Variants in NLGN1 observed in about 807,000 individuals in gnomAD.
NLGN1 encodes neuroligin 1, also known as neuroligin-1.
NLGN1 carries 12 observed loss-of-function variants against 65.5 expected under a neutral mutation model. That is an observed-to-expected ratio of 0.18 (90% CI 0.12 to 0.30). The LOEUF is 0.30. Ranked by LOEUF, NLGN1 falls within the 10% of genes least tolerant of loss-of-function variation. The probability of loss-of-function intolerance (pLI) is 1.00; values close to 1 mark genes in which losing one functional copy is unlikely to be tolerated. For synonymous variants in NLGN1, 350 were observed against 359.5 expected (o/e 0.97, Z 0.30); for missense variants, 750 against 1,007.1 (o/e 0.74, Z 3.46).
the NLGN1 span, among the ~76,000 whole-genome samples, chr3:174,292,679 T>G: frequency 6.6e-6 from 1 of 151,476 alleles, no homozygotes; most frequent in Non-Finnish European, 1.5e-5. Flanking sequence ...TTTGTAGAAG[T>G]TATTTCAGCT....
chr3:173,940,245 C>T (rs1275555744), intron 4 of NLGN1, among the ~76,000 whole-genome samples: 2 of 151,842 alleles, frequency 1.3e-5, no homozygotes, highest in Non-Finnish European at 2.9e-5. Flanking sequence ...TGCACCACCA[C>T]GCCCAGCTAA....
At chr3:174,173,894 G>A (rs113290202) in intron 4 of NLGN1, among the ~76,000 whole-genome samples, 2,295 of 152,036 alleles carry the variant, frequency 0.015, 57 homozygotes, top group African/African-American at 0.053. Context: ...GTTATTTAGT[G>A]GTTATTTGTG....
At chr3:173,844,561 TG>T (rs1263986624) in intron 4 of NLGN1, among the ~76,000 whole-genome samples, 3 of 152,314 alleles carry the variant, frequency 2.0e-5, no homozygotes, top group African/African-American at 7.2e-5. Flanking sequence ...TACCTGAGCA[TG>T]GAATCAGAAG....
intron 2 of NLGN1, among the ~76,000 whole-genome samples, chr3:173,484,952 C>T (rs943123089): frequency 6.6e-6 from 1 of 151,960 alleles, no homozygotes; most frequent in African/African-American, 2.4e-5. Flanking sequence ...AAGTCAGTGA[C>T]TGTTAGTCTA....
intron 4 of NLGN1, among the ~76,000 whole-genome samples, chr3:173,882,918 GAC>G (rs1259952069): frequency 1.3e-5 from 2 of 150,550 alleles, no homozygotes; most frequent in Non-Finnish European, 2.9e-5. Context: ...ATTAAAGTGA[GAC>G]ATGTGTGACT....
chr3:173,599,232 TTAAG>T (rs1430255200), intron 2 of NLGN1, among the ~76,000 whole-genome samples: 1 of 152,150 alleles, frequency 6.6e-6, no homozygotes, highest in South Asian at 2.1e-4. Context: ...ATTAGTTACT[TTAAG>T]TATTCATTTG....
At chr3:173,419,380 GGCATCTTCCCA>G (rs1241616879) in intron 1 of NLGN1, among the ~76,000 whole-genome samples, 27 of 151,704 alleles carry the variant, frequency 1.8e-4, no homozygotes, top group African/African-American at 6.3e-4. Context: ...TCTCGGGGCT[GGCATCTTCCCA>G]GCTGGAGGGG....
At chr3:174,240,717 T>C (rs2152830137) in intron 4 of NLGN1, among the ~76,000 whole-genome samples, 1 of 152,304 alleles carries the variant, frequency 6.6e-6, no homozygotes, top group African/African-American at 2.4e-5. Flanking sequence ...TTCTGGAATA[T>C]TCAAGGGCTC....
At chr3:173,436,673 T>C (rs1718198881) in intron 2 of NLGN1, among the ~76,000 whole-genome samples, 2 of 152,200 alleles carry the variant, frequency 1.3e-5, no homozygotes, top group Non-Finnish European at 1.5e-5. Flanking sequence ...ATAAGTTACA[T>C]CCACCCAGGC....
At chr3:174,015,219 T>G (rs921218055) in intron 4 of NLGN1, among the ~76,000 whole-genome samples, 2 of 152,206 alleles carry the variant, frequency 1.3e-5, no homozygotes, top group Admixed American at 1.3e-4. Flanking sequence ...TATTATCAAG[T>G]TATGTGCTAT....
At chr3:173,538,524 A>G (rs1207005970) in intron 2 of NLGN1, among the ~76,000 whole-genome samples, 3 of 152,336 alleles carry the variant, frequency 2.0e-5, no homozygotes, top group East Asian at 3.9e-4. Flanking sequence ...GGGTAAATGT[A>G]TATTTCAATA....
chr3:174,028,037 C>T (rs1729197525), intron 4 of NLGN1, among the ~76,000 whole-genome samples: 1 of 152,196 alleles, frequency 6.6e-6, no homozygotes, highest in Non-Finnish European at 1.5e-5. Context: ...TTTCCTGCCA[C>T]CATGTAAGAT....
chr3:173,636,999 A>G (rs1231390006), intron 3 of NLGN1, among the ~76,000 whole-genome samples: 3 of 152,178 alleles, frequency 2.0e-5, no homozygotes, highest in Admixed American at 1.3e-4. Context: ...TGCAAAGTGC[A>G]AAGAGAAATA....
chr3:173,543,791 A>G (rs1196157843), intron 2 of NLGN1, among the ~76,000 whole-genome samples: 2 of 152,158 alleles, frequency 1.3e-5, no homozygotes, highest in South Asian at 4.1e-4. Context: ...TGGCATAGAA[A>G]CAGACACAAT....
At chr3:174,079,415 A>G (rs978259207) in intron 4 of NLGN1, among the ~76,000 whole-genome samples, 3 of 152,186 alleles carry the variant, frequency 2.0e-5, no homozygotes, top group Admixed American at 6.5e-5. Flanking sequence ...GTTTCAGAGA[A>G]AAAGGAATCC....
At chr3:174,267,773 T>C in intron 4 of NLGN1, among the ~76,000 whole-genome samples, 1 of 152,316 alleles carries the variant, frequency 6.6e-6, no homozygotes, top group Non-Finnish European at 1.5e-5. Flanking sequence ...AAAAGTTTAA[T>C]TATTAGTCTT....
chr3:173,656,233 C>G (rs1760009665), intron 3 of NLGN1, among the ~76,000 whole-genome samples: 1 of 152,048 alleles, frequency 6.6e-6, no homozygotes, highest in African/African-American at 2.4e-5. Flanking sequence ...TTCACATATG[C>G]CTAAAACTTT....
intron 4 of NLGN1, among the ~76,000 whole-genome samples, chr3:173,934,547 A>G (rs1744706688): frequency 6.6e-6 from 1 of 151,968 alleles, no homozygotes; most frequent in African/African-American, 2.4e-5. Context: ...TACTTTGAGT[A>G]AATATACACT....
At chr3:173,450,114 G>T (rs530277012) in intron 2 of NLGN1, among the ~76,000 whole-genome samples, 4 of 152,308 alleles carry the variant, frequency 2.6e-5, no homozygotes, top group African/African-American at 9.6e-5. Flanking sequence ...TCTGATGTTA[G>T]CTGGTTATTT....
Sources: gnomAD v4.1 joint callset for allele counts (sites outside exome capture counted in the v4.1 genomes callset) on GRCh38, gnomAD v4.1.1 for gene constraint, MANE v1.5 for transcripts, NCBI Gene and HGNC (gene_info 2026-07-23, HGNC 2026-07-21) for gene names.